Variants in NME7 observed in about 807,000 individuals in gnomAD.
NME7 encodes the protein NME/NM23 family member 7.
In NME7, 41 loss-of-function variants were observed where a neutral mutation model predicts 49.1. The observed-to-expected ratio is 0.83, with a 90% CI of 0.65 to 1.08. The LOEUF (loss-of-function observed/expected upper bound fraction) is 1.08. Ranked by LOEUF, NME7 falls within the 50% of genes least tolerant of loss-of-function variation. The probability of loss-of-function intolerance (pLI) is 0.00; values close to 1 mark genes in which losing one functional copy is unlikely to be tolerated. For synonymous variants in NME7, 139 were observed against 150.6 expected, an observed-to-expected ratio of 0.92 and a Z score of 0.56; for missense variants, 423 against 463.4, an observed-to-expected ratio of 0.91 and a Z score of 0.80.
intron 7 of NME7, among the ~76,000 whole-genome samples, chr1:169,252,619 G>T (rs1377627282): frequency 6.6e-6 from 1 of 152,188 alleles, no homozygotes; most frequent in East Asian, 1.9e-4. Context: ...TGGTGTTTTA[G>T]ACATGAAGTC....
intron 10 of NME7, among the ~76,000 whole-genome samples, chr1:169,223,354 GT>G (rs944907190): frequency 7.3e-5 from 11 of 150,140 alleles, no homozygotes; most frequent in Middle Eastern, 3.5e-3. Context: ...AATGTTAAGG[GT>G]TTTTTTTTAA....
intron 11 of NME7, among the ~76,000 whole-genome samples, chr1:169,153,068 T>C (rs1658956644): frequency 6.6e-6 from 1 of 152,134 alleles, no homozygotes. Flanking sequence ...ATAGAAACAC[T>C]GGTTTTGGAC....
intron 10 of NME7, among the ~76,000 whole-genome samples, chr1:169,205,258 T>C (rs1660642214): frequency 6.6e-6 from 1 of 152,164 alleles, no homozygotes; most frequent in East Asian, 1.9e-4. Context: ...TTATGTAATT[T>C]GAGCTTTAGC....
intron 7 of NME7, among the ~76,000 whole-genome samples, chr1:169,247,989 G>A (rs569539979): frequency 1.3e-5 from 2 of 152,186 alleles, no homozygotes; most frequent in South Asian, 2.1e-4. Context: ...TTTCCTTTGG[G>A]TAGATACTGA....
At chr1:169,332,736 A>T (rs528191175) in intron 1 of NME7, among the ~76,000 whole-genome samples, 1 of 152,300 alleles carries the variant, frequency 6.6e-6, no homozygotes, top group African/African-American at 2.4e-5. Context: ...AACATCACTG[A>T]TCATCAGAGA....
In NME7 at chr1:169,161,907, A is replaced by G. The variant is rs993202867; in HGVS notation, c.1098+7540T>C. Among the ~76,000 whole-genome samples the G allele has an allele frequency of 5.3e-5, 8 of 152,214 alleles. No homozygotes were observed. The East Asian group carries it at 1.3e-3, about 26-fold the overall frequency. The stretch of plus-strand genomic sequence containing the variant: ...GGTCACAAGATTTGTGATCTCCCCA[A>G]TTGATCCCATAGGTAACATCACTAT... On this transcript the variant is annotated intron_variant, in intron 11 of 11. Coordinates refer to ENST00000367811, the MANE Select transcript of NME7 (RefSeq NM_013330.5).
chr1:169,256,099 G>A (rs1648919033), intron 7 of NME7, among the ~76,000 whole-genome samples: 1 of 132,976 alleles, frequency 7.5e-6, no homozygotes, highest in Admixed American at 7.4e-5. Context: ...TCCTGAATCT[G>A]AATGTTGGCC....
chr1:169,150,597 A>G (rs1481419941), intron 11 of NME7, among the ~76,000 whole-genome samples: 1 of 152,156 alleles, frequency 6.6e-6, no homozygotes, highest in Non-Finnish European at 1.5e-5. Flanking sequence ...AGGCAAAGGG[A>G]TATTTTGGTT....
chr1:169,203,438 A>G (rs1391832509), intron 10 of NME7, among the ~76,000 whole-genome samples: 1 of 152,178 alleles, frequency 6.6e-6, no homozygotes, highest in Non-Finnish European at 1.5e-5. Flanking sequence ...GAGACAAAGA[A>G]TTCTGGGTGA....
At chr1:169,215,829 T>C (rs1660958725) in intron 10 of NME7, among the ~76,000 whole-genome samples, 1 of 152,210 alleles carries the variant, frequency 6.6e-6, no homozygotes, top group African/African-American at 2.4e-5. Flanking sequence ...GAGGACACTA[T>C]GCTAAGTGAA....
At chr1:169,150,048 C>G (rs1658864766) in intron 11 of NME7, among the ~76,000 whole-genome samples, 1 of 152,134 alleles carries the variant, frequency 6.6e-6, no homozygotes, top group African/African-American at 2.4e-5. Flanking sequence ...TGGTGCATGC[C>G]TGTAGTCCCA....
At chr1:169,350,851 A>C (rs1653147010) in intron 1 of NME7, among the ~76,000 whole-genome samples, 1 of 152,146 alleles carries the variant, frequency 6.6e-6, no homozygotes, top group African/African-American at 2.4e-5. Flanking sequence ...ATCACATGTA[A>C]ATGGGATCAT....
At chr1:169,181,172 T>C (rs1168963088) in intron 10 of NME7, among the ~76,000 whole-genome samples, 1 of 143,860 alleles carries the variant, frequency 7.0e-6, no homozygotes, top group African/African-American at 2.6e-5. Flanking sequence ...CTATCTATCA[T>C]CTATCTACCT....
chr1:169,272,216 A>G (rs1327707804), intron 7 of NME7, among the ~76,000 whole-genome samples: 2 of 133,424 alleles, frequency 1.5e-5, no homozygotes, highest in Non-Finnish European at 3.5e-5. Context: ...TAAAATTATT[A>G]ATAGTTATTT....
In NME7 at chr1:169,340,075, T is replaced by G. The variant is rs1161820302; in HGVS notation, c.4-15575A>C. The stretch of plus-strand genomic sequence containing the variant: ...CTTACTCTGCCCATACCTTTGTAAC[T>G]AGTCCCTTCAGTAAACTCTTCAGTT... On this transcript the variant is annotated intron_variant, in intron 1 of 11. Transcript: ENST00000367811. Among the ~76,000 whole-genome samples the G allele has an allele frequency of 2.0e-5, 3 of 152,316 alleles. No homozygotes were observed. The South Asian group carries it at 6.2e-4, about 32-fold the overall frequency.
At chr1:169,201,699 C>T (rs924146175) in intron 10 of NME7, among the ~76,000 whole-genome samples, 1 of 152,028 alleles carries the variant, frequency 6.6e-6, no homozygotes, top group Non-Finnish European at 1.5e-5. Flanking sequence ...AGCACAGAAG[C>T]AAGTTTGCAA....
rs569640583 is a variant in NME7 at position 169,344,785 on chromosome 1, A to G, written c.4-20285T>C. Among the ~76,000 whole-genome samples, 159 of 152,016 alleles carry G rather than the reference A, an allele frequency of 1.0e-3. 2 individuals are homozygous for G. The highest frequency in any genetic ancestry group is 2.1e-3 in the South Asian group (10 of 4,822). On this transcript the variant is annotated intron_variant, in intron 1 of 11. Transcript: ENST00000367811. ...TTTTACTGAAGATTTTTTCACCTCT[A>G]TTCATGATGTTGGTCTGCAGTTTTC...
rs1650671114 is a variant in NME7 at position 169,295,385 on chromosome 1, TAGGC to T, written c.648+3167_648+3170del. Among the ~76,000 whole-genome samples the T allele has an allele frequency of 3.3e-5, 5 of 152,248 alleles. No homozygotes were observed. The South Asian group carries it at 1.0e-3, about 32-fold the overall frequency. ...GGCATAAGGTGGTAATAGGGTGAAA[TAGGC>T]AGGAAATATCAGTAAACATGGTAGT... On this transcript the variant is annotated intron_variant, in intron 6 of 11. Coordinates refer to ENST00000367811, the MANE Select transcript of NME7 (RefSeq NM_013330.5).
At chr1:169,220,560 A>G (rs958841047) in intron 10 of NME7, among the ~76,000 whole-genome samples, 5 of 152,152 alleles carry the variant, frequency 3.3e-5, no homozygotes, top group African/African-American at 9.7e-5. Context: ...CATTAAACAC[A>G]TGATCATTTT....
Sources: allele counts gnomAD v4.1 joint callset (sites outside exome capture counted in the v4.1 genomes callset), GRCh38; gene constraint gnomAD v4.1.1; transcripts MANE v1.5; gene names NCBI Gene and HGNC (gene_info 2026-07-23, HGNC 2026-07-21).